BCL7C: variants seen among roughly 807,000 people sequenced by gnomAD.
The protein encoded by BCL7C is BAF chromatin remodeling complex subunit BCL7C.
In BCL7C, 8 loss-of-function variants were observed where a neutral mutation model predicts 26.2. The observed-to-expected ratio is 0.30, with a 90% CI of 0.18 to 0.55. The LOEUF is 0.55. Ranked by LOEUF, BCL7C falls within the 20% of genes least tolerant of loss-of-function variation. The pLI is 0.93. For missense variants in BCL7C, 262 were observed against 298.5 expected, an observed-to-expected ratio of 0.88 and a Z score of 0.90; for synonymous variants, 90 against 116.5, an observed-to-expected ratio of 0.77 and a Z score of 1.47.
intron 5 of BCL7C, among the ~76,000 whole-genome samples, chr16:30,868,741 C>T (rs183743827): frequency 4.6e-5 from 7 of 151,524 alleles, no homozygotes; most frequent in South Asian, 2.1e-4. Context: ...GCGGAGATTG[C>T]GCCATTGCAC....
chr16:30,853,696 G>T (rs2054696373), intron 5 of BCL7C, among the ~76,000 whole-genome samples: 1 of 152,098 alleles, frequency 6.6e-6, no homozygotes, highest in African/African-American at 2.4e-5. Context: ...ACCCTTCACT[G>T]TGAATTTTCT....
Position 30,893,918 on chromosome 16 carries a change from C to A in BCL7C, c.27G>T (p.Glu9Asp). 6.3e-7 allele frequency: 1 copy of A among 1,598,734 alleles called. No individual in the cohort carries two copies. The highest frequency in any genetic ancestry group is 1.7e-5 in the Admixed American group (1 of 59,924). MAGRTVRA[E>D]TRSRAKDDIK... ...TGTCATCCTTGGCCCGGCTCCGGGT[C>A]TCGGCCCGTACAGTCCGGCCGGCCA... The change falls in exon 1 of 6, where the codon GAG becomes GAT. Residue 9 changes from glutamate (E) to aspartate (D), a missense_variant. Coordinates refer to ENST00000215115, the MANE Select transcript of BCL7C (RefSeq NM_004765.4). The surrounding 1 kb of genome is among the most constrained non-coding windows in gnomAD (Gnocchi z 5.2).
chr16:30,846,109 CAA>C (rs534483583), intron 5 of BCL7C, among the ~76,000 whole-genome samples: 13 of 81,786 alleles, frequency 1.6e-4, no homozygotes, highest in Admixed American at 2.7e-4. Flanking sequence ...GACTCCATCT[CAA>C]AAAAAAAAAA....
chr16:30,879,821 C>T lies in BCL7C; in HGVS notation c.528+9039G>A, dbSNP rs536684428. Among the ~76,000 whole-genome samples the T allele has an allele frequency of 1.9e-4, 28 of 151,172 alleles. No individual in the cohort carries two copies. The South Asian group carries it at 5.6e-3, about 30-fold the overall frequency. On this transcript the variant is annotated intron_variant, in intron 5 of 5. Transcript: ENST00000380317. ...TGGCTAAAATGGTGAAACTCCATCT[C>T]TACTAAAAATACAAAAAAATTAGCT...
chr16:30,870,051 C>CT (rs1243196704), intron 5 of BCL7C, among the ~76,000 whole-genome samples: 3 of 152,202 alleles, frequency 2.0e-5, no homozygotes, highest in Non-Finnish European at 4.4e-5. Flanking sequence ...TATATCTCAC[C>CT]TGTATCTCAA....
chr16:30,878,300 G>A (rs1445853260), intron 5 of BCL7C, among the ~76,000 whole-genome samples: 1 of 152,080 alleles, frequency 6.6e-6, no homozygotes, highest in African/African-American at 2.4e-5. Context: ...GGAGGCCGAG[G>A]GAGACGGATC....
At chr16:30,890,784 G>A (rs556340268) in intron 4 of BCL7C, among the ~76,000 whole-genome samples, 8 of 152,166 alleles carry the variant, frequency 5.3e-5, no homozygotes, top group South Asian at 2.1e-4. Context: ...TCGGGAGTTC[G>A]AGACCAGCCT....
Position 30,893,765 on chromosome 16 carries a change from G to A in BCL7C, c.92+88C>T. On this transcript the variant is annotated intron_variant, in intron 1 of 5. Transcript: ENST00000215115. This position sits in a 1 kb window ranked among gnomAD's most constrained non-coding sequence, Gnocchi z 5.2. ...GTGGGTGGAGATACACCGAACACCC[G>A]GGGCCCAGAGCTGGCGAGGGCAGCG... is the stretch of plus-strand genomic sequence containing the variant. 1.7e-6 allele frequency: 2 copies of A among 1,197,888 alleles called. No individual in the cohort carries two copies. The highest frequency in any genetic ancestry group is 1.8e-5 in the Admixed American group (1 of 56,688). 74.2% of individuals were successfully genotyped at this position (1,197,888 alleles called of 1,614,324 possible). A position where few individuals can be genotyped will look rare whatever the true frequency, so the allele number is the denominator to read the frequency against.
downstream of BCL7C, among the ~76,000 whole-genome samples, chr16:30,885,186 G>C (rs570286275): frequency 3.3e-5 from 5 of 152,300 alleles, no homozygotes; most frequent in African/African-American, 9.6e-5. Context: ...AATGGGCCCA[G>C]TGTCATCACA....
At chr16:30,856,216 C>A (rs973576122) in intron 5 of BCL7C, among the ~76,000 whole-genome samples, 2 of 151,264 alleles carry the variant, frequency 1.3e-5, no homozygotes, top group South Asian at 4.2e-4. Flanking sequence ...CTGAGGCGGG[C>A]GGATCACGAG....
chr16:30,879,711 T>TAAAAAAAAAAAAAAG (rs1596612477), intron 5 of BCL7C, among the ~76,000 whole-genome samples: 2 of 17,168 alleles, frequency 1.2e-4, no homozygotes, highest in Non-Finnish European at 4.7e-4. Context: ...AAAAAAAAAC[T>TAAAAAAAAAAAAAAG]GGGCACGGTG....
At chr16:30,884,281 C>T (rs1434353373), downstream of BCL7C, among the ~76,000 whole-genome samples, 1 of 151,990 alleles carries the variant, frequency 6.6e-6, no homozygotes, top group African/African-American at 2.4e-5. Flanking sequence ...GAAATGGACA[C>T]CCTGTCTGGG....
chr16:30,879,707 A>AAAAAAAAAAAAAAAAAAAC (rs2055012833), intron 5 of BCL7C, among the ~76,000 whole-genome samples: 2 of 147,722 alleles, frequency 1.4e-5, no homozygotes, highest in South Asian at 2.2e-4. Context: ...AAAAAAAAAA[A>AAAAAAAAAAAAAAAAAAAC]AACTGGGCAC....
chr16:30,850,739 C>T (rs1373535627), intron 5 of BCL7C, among the ~76,000 whole-genome samples: 1 of 152,128 alleles, frequency 6.6e-6, no homozygotes, highest in Non-Finnish European at 1.5e-5. Flanking sequence ...AGGGCACTTA[C>T]CAGAATGGAG....
intron 5 of BCL7C, among the ~76,000 whole-genome samples, chr16:30,874,696 C>G (rs1039046136): frequency 1.3e-5 from 2 of 152,160 alleles, no homozygotes; most frequent in African/African-American, 4.8e-5. Context: ...TTAACTTGGT[C>G]GGGTCTCTGA....
At chr16:30,855,977 G>T (rs1473761114) in intron 5 of BCL7C, among the ~76,000 whole-genome samples, 1 of 148,176 alleles carries the variant, frequency 6.7e-6, no homozygotes, top group Non-Finnish European at 1.5e-5. Context: ...CAGGAAAATC[G>T]CTTGAACCCA....
chr16:30,862,515 C>A (rs1317172388), intron 5 of BCL7C, among the ~76,000 whole-genome samples: 3 of 152,020 alleles, frequency 2.0e-5, no homozygotes, highest in Admixed American at 2.0e-4. Context: ...ATTGTAACGA[C>A]CTTCTACTTT....
intron 5 of BCL7C, among the ~76,000 whole-genome samples, chr16:30,852,892 ATTTCC>A (rs967354190): frequency 2.6e-5 from 4 of 151,966 alleles, no homozygotes; most frequent in Admixed American, 2.6e-4. Context: ...GTACAAAAAT[ATTTCC>A]TTTCTTTATA....
At chr16:30,870,496 C>T (rs1028306555) in intron 5 of BCL7C, among the ~76,000 whole-genome samples, 1 of 151,562 alleles carries the variant, frequency 6.6e-6, no homozygotes, top group African/African-American at 2.4e-5. Flanking sequence ...GAGACCCCGT[C>T]TTTACAAAAA....
Sources: allele counts gnomAD v4.1 joint callset (sites outside exome capture counted in the v4.1 genomes callset), GRCh38; gene constraint gnomAD v4.1.1; non-coding constraint Gnocchi (gnomAD v3.1); transcripts MANE v1.5; gene names NCBI Gene and HGNC (gene_info 2026-07-23, HGNC 2026-07-21).